The following PTPRK variants were observed in gnomAD, a reference collection of about 807,000 sequenced individuals.
PTPRK encodes protein tyrosine phosphatase receptor type K, also known as receptor-type tyrosine-protein phosphatase kappa.
A neutral mutation model predicts 178.0 loss-of-function variants in PTPRK; 75 were observed. The observed-to-expected ratio is 0.42, with a 90% CI of 0.35 to 0.51. PTPRK has a LOEUF of 0.51. PTPRK is among the 20% of genes least tolerant of loss of function. The probability of loss-of-function intolerance (pLI) is 0.02; values close to 1 mark genes in which losing one functional copy is unlikely to be tolerated. For synonymous variants in PTPRK, 637 were observed against 620.6 expected, an observed-to-expected ratio of 1.03 and a Z score of -0.39; for missense variants, 1,441 against 1,797.8, an observed-to-expected ratio of 0.80 and a Z score of 3.59.
chr6:128,228,971 G>A (rs1356056850), intron 5 of PTPRK, among the ~76,000 whole-genome samples: 4 of 152,108 alleles, frequency 2.6e-5, no homozygotes, highest in African/African-American at 4.8e-5. Context: ...CATATACTGT[G>A]AAATTGACTT....
intron 6 of PTPRK, among the ~76,000 whole-genome samples, chr6:128,189,213 T>C (rs1366093777): frequency 6.7e-6 from 1 of 149,790 alleles, no homozygotes; most frequent in African/African-American, 2.4e-5. Context: ...AATTTATATA[T>C]ATATCATATT....
intron 1 of PTPRK, among the ~76,000 whole-genome samples, chr6:128,465,902 G>A (rs1217559777): frequency 6.6e-6 from 1 of 152,072 alleles, no homozygotes; most frequent in African/African-American, 2.4e-5. Context: ...TGAGCAGAGG[G>A]TCCAAGCCTC....
At position 128,216,442 on chromosome 6, in the gene PTPRK, C is replaced by T. The variant is rs572846910; in HGVS notation, c.868+2480G>A. 6.0e-5 allele frequency among the ~76,000 whole-genome samples: 9 copies of T among 150,992 alleles called. 1 individual carries two copies. In the South Asian group the frequency reaches 8.4e-4, roughly 14 times the overall value. On this transcript the variant is annotated intron_variant, in intron 6 of 29. Coordinates refer to ENST00000368226, the MANE Select transcript of PTPRK (RefSeq NM_002844.4). ...CTCAGCTACTTGGGAGGTTGAGGCACGAGAATCACTTGAACCCAGGAGGCA... is the reference window on the plus strand; with the variant it reads ...CTCAGCTACTTGGGAGGTTGAGGCATGAGAATCACTTGAACCCAGGAGGCA...
chr6:128,498,866 A>G (rs565121341), intron 1 of PTPRK, among the ~76,000 whole-genome samples: 20 of 152,246 alleles, frequency 1.3e-4, no homozygotes, highest in African/African-American at 4.8e-4. Context: ...TCTACTCACA[A>G]GTTTTACAGT....
rs539450437 is a variant in PTPRK, at chr6:127,976,795, C to T, written c.3844-13G>A. ...ACTGAGGGCAGCCCTAAATGATGAACGTTTTGAAAGAAAAAAAAAAAGAGT... is the reference window on the plus strand; with the variant it reads ...ACTGAGGGCAGCCCTAAATGATGAATGTTTTGAAAGAAAAAAAAAAAGAGT... On this transcript the variant is annotated splice_polypyrimidine_tract_variant and intron_variant, in intron 26 of 29. Transcript: ENST00000368226. 28 of 1,593,358 alleles carry T rather than the reference C, an allele frequency of 1.8e-5. No homozygotes were observed. Among genetic ancestry groups the T allele is most frequent in the African/African-American group, 1.3e-4 (9 of 69,636 alleles).
intron 2 of PTPRK, among the ~76,000 whole-genome samples, chr6:128,358,989 C>T (rs1834334889): frequency 1.3e-5 from 2 of 152,152 alleles, no homozygotes; most frequent in Non-Finnish European, 2.9e-5. Context: ...ATACTTATTG[C>T]TCCCGGTTTC....
chr6:128,514,211 T>TTATTTTCCA (rs1857590053), intron 1 of PTPRK, among the ~76,000 whole-genome samples: 1 of 152,224 alleles, frequency 6.6e-6, no homozygotes, highest in African/African-American at 2.4e-5. Context: ...TATATACAGC[T>TTATTTTCCA]TATTTTCCAC....
intron 1 of PTPRK, among the ~76,000 whole-genome samples, chr6:128,480,907 T>A (rs918902377): frequency 6.6e-6 from 1 of 152,152 alleles, no homozygotes; most frequent in Non-Finnish European, 1.5e-5. Flanking sequence ...ATACTTTCAC[T>A]GCTTCTCCAA....
chr6:128,356,335 G>C (rs72974014), intron 2 of PTPRK, among the ~76,000 whole-genome samples: 1 of 152,018 alleles, frequency 6.6e-6, no homozygotes, highest in African/African-American at 2.4e-5. Context: ...TATAATCAAC[G>C]GACTTCCTCA....
intron 1 of PTPRK, among the ~76,000 whole-genome samples, chr6:128,458,768 A>G (rs1022181184): frequency 1.3e-5 from 2 of 152,310 alleles, no homozygotes; most frequent in South Asian, 4.1e-4. Flanking sequence ...TAAAAAAGAA[A>G]CCATACCATT....
At chr6:128,287,760 T>A (rs1275095720) in intron 3 of PTPRK, among the ~76,000 whole-genome samples, 1 of 152,222 alleles carries the variant, frequency 6.6e-6, no homozygotes, top group Non-Finnish European at 1.5e-5. Context: ...GGGCCAACTC[T>A]AAGCATTTGA....
At chr6:128,478,377 G>A (rs759436256) in intron 1 of PTPRK, among the ~76,000 whole-genome samples, 2 of 152,076 alleles carry the variant, frequency 1.3e-5, no homozygotes, top group East Asian at 1.9e-4. Context: ...CACACCTCAA[G>A]TACTGCTTGG....
chr6:128,419,765 A>G (rs908878100), intron 1 of PTPRK, among the ~76,000 whole-genome samples: 1 of 152,210 alleles, frequency 6.6e-6, no homozygotes, highest in African/African-American at 2.4e-5. Flanking sequence ...GGCAAGACCG[A>G]TTCTGGGGTT....
At chr6:128,394,910 T>C (rs1840084039) in intron 2 of PTPRK, among the ~76,000 whole-genome samples, 2 of 152,180 alleles carry the variant, frequency 1.3e-5, no homozygotes, top group African/African-American at 4.8e-5. Flanking sequence ...AGAAGCCAGT[T>C]AATAGCACCA....
At chr6:128,412,341 A>C (rs946046206) in intron 1 of PTPRK, among the ~76,000 whole-genome samples, 1 of 152,122 alleles carries the variant, frequency 6.6e-6, no homozygotes, top group African/African-American at 2.4e-5. Flanking sequence ...CCCCACAACA[A>C]CCTAAAAAGT....
chr6:128,410,885 C>T (rs763659353), intron 1 of PTPRK, among the ~76,000 whole-genome samples: 1 of 152,036 alleles, frequency 6.6e-6, no homozygotes, highest in Non-Finnish European at 1.5e-5. Flanking sequence ...ACCAGCCTTA[C>T]GTTTGTTTGT....
chr6:128,104,416 G>T (rs1265806983), intron 7 of PTPRK, among the ~76,000 whole-genome samples: 1 of 152,246 alleles, frequency 6.6e-6, no homozygotes, highest in South Asian at 2.1e-4. Context: ...TAGAGACAGG[G>T]TTTCACTGTG....
chr6:128,302,021 G>C (rs1049855266), intron 3 of PTPRK, among the ~76,000 whole-genome samples: 2 of 152,138 alleles, frequency 1.3e-5, no homozygotes, highest in African/African-American at 4.8e-5. Context: ...TTAAGTTCCC[G>C]AGACTAAATT....
chr6:128,000,583 A>G (rs1220066947), intron 15 of PTPRK, among the ~76,000 whole-genome samples: 1 of 152,074 alleles, frequency 6.6e-6, no homozygotes, highest in Non-Finnish European at 1.5e-5. Context: ...AACATGATTC[A>G]TGAGAGTTTC....
Sources: allele counts gnomAD v4.1 joint callset (sites outside exome capture counted in the v4.1 genomes callset), GRCh38; gene constraint gnomAD v4.1.1; transcripts MANE v1.5; gene names NCBI Gene and HGNC (gene_info 2026-07-23, HGNC 2026-07-21).